The following TRDN variants were observed in gnomAD, a reference collection of about 807,000 sequenced individuals.
TRDN encodes the protein triadin.
TRDN carries 161 observed loss-of-function variants against 149.7 expected under a neutral mutation model. The observed-to-expected ratio is 1.08, with a 90% CI of 0.95 to 1.23. The LOEUF (loss-of-function observed/expected upper bound fraction) is 1.23. Among genes scored for constraint, TRDN ranks in the 50% most tolerant of loss-of-function variants. The pLI, the probability that TRDN is intolerant of heterozygous loss-of-function variation, is 0.00. For synonymous variants in TRDN, 294 were observed against 250.5 expected (o/e 1.17, Z -1.64); for missense variants, 896 against 823.5 (o/e 1.09, Z -1.08).
intron 24 of TRDN, among the ~76,000 whole-genome samples, chr6:123,298,480 A>G (rs1002149001): frequency 6.6e-6 from 1 of 152,036 alleles, no homozygotes; most frequent in Non-Finnish European, 1.5e-5. Flanking sequence ...TCAACATCTT[A>G]TGTAAGTCGC....
At chr6:123,408,933 C>A (rs1445008799) in intron 12 of TRDN, among the ~76,000 whole-genome samples, 1 of 152,090 alleles carries the variant, frequency 6.6e-6, no homozygotes, top group Non-Finnish European at 1.5e-5. Context: ...CACTGGAGAG[C>A]ACTGCATACA....
chr6:123,491,667 A>G (rs1437561058), intron 9 of TRDN, among the ~76,000 whole-genome samples: 1 of 152,160 alleles, frequency 6.6e-6, no homozygotes, highest in Non-Finnish European at 1.5e-5. Flanking sequence ...TTTTTAATAC[A>G]ATTATTTATG....
chr6:123,302,061 G>A (rs922997082), intron 24 of TRDN, among the ~76,000 whole-genome samples: 3 of 150,338 alleles, frequency 2.0e-5, no homozygotes, highest in African/African-American at 7.3e-5. Flanking sequence ...ATATGTATAT[G>A]TATAATTCTA....
intron 12 of TRDN, among the ~76,000 whole-genome samples, chr6:123,399,993 C>T (rs1446784810): frequency 6.6e-6 from 1 of 151,710 alleles, no homozygotes; most frequent in Admixed American, 6.6e-5. Flanking sequence ...AAATTTGACA[C>T]TTTAGTGAAA....
At chr6:123,503,534 G>A in intron 8 of TRDN, 185 bp downstream of exon 8, 5 of 1,421,028 alleles carry the variant, frequency 3.5e-6, no homozygotes, top group African/African-American at 1.4e-5. Context: ...ACACATTTTA[G>A]TATTTTTATA....
intron 4 of TRDN, among the ~76,000 whole-genome samples, chr6:123,535,918 T>C (rs938639078): frequency 3.3e-5 from 5 of 152,120 alleles, no homozygotes; most frequent in African/African-American, 1.2e-4. Context: ...AAAAGATCTA[T>C]ACAAAAATAT....
chr6:123,468,431 C>G (rs1776960187), intron 9 of TRDN, among the ~76,000 whole-genome samples: 1 of 152,118 alleles, frequency 6.6e-6, no homozygotes, highest in African/African-American at 2.4e-5. Flanking sequence ...GGTAGGTTGG[C>G]AAATTGCTAA....
At chr6:123,246,702 A>G in intron 38 of TRDN, among the ~76,000 whole-genome samples, 1 of 152,106 alleles carries the variant, frequency 6.6e-6, no homozygotes, top group East Asian at 1.9e-4. Context: ...ATTCCAAACA[A>G]TAGAATAAGA....
chr6:123,405,280 A>G (rs1334356256), intron 12 of TRDN, among the ~76,000 whole-genome samples: 1 of 152,208 alleles, frequency 6.6e-6, no homozygotes, highest in Admixed American at 6.5e-5. Flanking sequence ...CAAAAAAACA[A>G]TTTCCCACAT....
intron 2 of TRDN, among the ~76,000 whole-genome samples, chr6:123,555,926 T>C (rs1781631971): frequency 6.6e-6 from 1 of 152,044 alleles, no homozygotes; most frequent in Admixed American, 6.6e-5. Flanking sequence ...TATAAAAGAG[T>C]ATTTCAAGGA....
chr6:123,261,985 T>C (rs1776788612), intron 33 of TRDN, among the ~76,000 whole-genome samples: 1 of 151,952 alleles, frequency 6.6e-6, no homozygotes, highest in African/African-American at 2.4e-5. Context: ...TAGTTCTGGG[T>C]ATTAAAACAT....
intron 9 of TRDN, among the ~76,000 whole-genome samples, chr6:123,488,315 A>G (rs1778061148): frequency 6.6e-6 from 1 of 152,156 alleles, no homozygotes. Flanking sequence ...GGCAGATGCT[A>G]AACAAATGAT....
chr6:123,338,070 C>T (rs1326193229), intron 21 of TRDN, among the ~76,000 whole-genome samples: 2 of 152,140 alleles, frequency 1.3e-5, no homozygotes, highest in African/African-American at 2.4e-5. Context: ...CTACTTTTCA[C>T]ATAAATTGAT....
Position 123,540,684 on chromosome 6 carries a change from A to G in TRDN, c.424+6656T>C, listed in dbSNP as rs563936521. On this transcript the variant is annotated intron_variant, in intron 4 of 40. Coordinates refer to ENST00000334268, the MANE Select transcript of TRDN (RefSeq NM_006073.4). The stretch of plus-strand genomic sequence containing the variant: ...CAAGCGCCCGCCACGACGCCTGGCT[A>G]ATTTTTTGTATTTTTGGTGAAGACG... Among the ~76,000 whole-genome samples, 6 of 152,200 alleles carry G rather than the reference A, an allele frequency of 3.9e-5. No homozygotes were observed. In the East Asian group the frequency reaches 9.7e-4, roughly 25 times the overall value.
intron 38 of TRDN, among the ~76,000 whole-genome samples, chr6:123,227,322 G>GAA (rs1006200249): frequency 1.3e-5 from 2 of 151,886 alleles, no homozygotes; most frequent in Non-Finnish European, 2.9e-5. Context: ...GTAAGAACAA[G>GAA]AGATTGGTAC....
At chr6:123,338,205 T>C (rs1292844330) in intron 21 of TRDN, among the ~76,000 whole-genome samples, 2 of 152,090 alleles carry the variant, frequency 1.3e-5, no homozygotes, top group Non-Finnish European at 2.9e-5. Flanking sequence ...TGTAAGAAAG[T>C]ATGTAGTACT....
At chr6:123,410,714 A>G (rs1465130345) in intron 12 of TRDN, among the ~76,000 whole-genome samples, 2 of 152,106 alleles carry the variant, frequency 1.3e-5, no homozygotes, top group African/African-American at 4.8e-5. Context: ...TCTGGACATC[A>G]CAAATATTAG....
intron 9 of TRDN, among the ~76,000 whole-genome samples, chr6:123,484,754 A>G (rs1439134520): frequency 6.6e-6 from 1 of 152,204 alleles, no homozygotes; most frequent in Non-Finnish European, 1.5e-5. Context: ...CTTTCGCAAG[A>G]CTAGGAGACA....
chr6:123,474,805 C>A (rs1777376964), intron 9 of TRDN, among the ~76,000 whole-genome samples: 1 of 152,038 alleles, frequency 6.6e-6, no homozygotes, highest in Admixed American at 6.6e-5. Flanking sequence ...GGAAACTGAA[C>A]AACCTGCTCC....
Sources: allele counts gnomAD v4.1 joint callset (sites outside exome capture counted in the v4.1 genomes callset), GRCh38; gene constraint gnomAD v4.1.1; transcripts MANE v1.5; gene names NCBI Gene and HGNC (gene_info 2026-07-23, HGNC 2026-07-21).